The following SLC25A26 variants were observed in gnomAD, a reference collection of about 807,000 sequenced individuals.
SLC25A26 encodes the protein mitochondrial S-adenosylmethionine carrier protein.
SLC25A26 carries 36 observed loss-of-function variants against 37.8 expected under a neutral mutation model. The ratio of observed to expected loss-of-function variants is 0.95; its 90% confidence interval spans 0.73 to 1.26. SLC25A26 has a LOEUF of 1.26. Among genes scored for constraint, SLC25A26 ranks in the 50% most tolerant of loss-of-function variants. The pLI is 0.00. For missense variants in SLC25A26, 390 were observed against 331.1 expected, an observed-to-expected ratio of 1.18 and a Z score of -1.38; for synonymous variants, 129 against 122.5, an observed-to-expected ratio of 1.05 and a Z score of -0.35.
At chr3:66,143,616 GTTCAC>G (rs2070070024) in intron 1 of SLC25A26, among the ~76,000 whole-genome samples, 1 of 152,222 alleles carries the variant, frequency 6.6e-6, no homozygotes, top group Admixed American at 6.5e-5. Context: ...GGGAACAGTG[GTTCAC>G]GCCTGTAATC....
intron 3 of SLC25A26, among the ~76,000 whole-genome samples, chr3:66,249,626 T>A (rs2073001172): frequency 6.6e-6 from 1 of 152,248 alleles, no homozygotes; most frequent in South Asian, 2.1e-4. Context: ...GAAATGTATT[T>A]TATCTTTTGA....
chr3:66,228,521 C>A (rs181722529), intron 1 of SLC25A26, among the ~76,000 whole-genome samples: 13 of 152,284 alleles, frequency 8.5e-5, no homozygotes, highest in African/African-American at 3.1e-4. Context: ...CTCACCTCCC[C>A]AAATCAGGTG....
At chr3:66,164,378 C>T (rs184322923) in intron 1 of SLC25A26, among the ~76,000 whole-genome samples, 87 of 152,244 alleles carry the variant, frequency 5.7e-4, no homozygotes, top group African/African-American at 2.1e-3. Context: ...GCCATAGCTC[C>T]ATTCTCACAA....
At chr3:66,138,237 A>G (rs577921996) in intron 1 of SLC25A26, among the ~76,000 whole-genome samples, 1 of 152,182 alleles carries the variant, frequency 6.6e-6, no homozygotes, top group Admixed American at 6.5e-5. Context: ...ATGGTGATCA[A>G]AGCTGTTCAA....
chr3:66,342,865 T>C (rs1053280115), intron 5 of SLC25A26, among the ~76,000 whole-genome samples: 7 of 152,214 alleles, frequency 4.6e-5, no homozygotes, highest in African/African-American at 1.4e-4. Flanking sequence ...CGCTCACTTA[T>C]TAGTGCCCTG....
rs538168652 is a variant in SLC25A26 at position 66,378,812 on chromosome 3, A to C, written c.*1005A>C. Reference sequence around the variant, plus strand: ...CCAACTATACTGACATTTATAAATGAACCTTTATTAAAGACACTTCAATGC... The same window carrying C: ...CCAACTATACTGACATTTATAAATGCACCTTTATTAAAGACACTTCAATGC... On this transcript the variant is annotated 3_prime_UTR_variant, in exon 10 of 10. Transcript: ENST00000354883. The C allele has an allele frequency of 2.6e-5, 4 of 152,722 alleles. No individual in the cohort carries two copies. The South Asian group carries it at 6.2e-4, about 24-fold the overall frequency. The allele number at this position is 152,722 out of a possible 1,614,324, so 9.5% of individuals were successfully genotyped here.
At chr3:66,251,468 A>T (rs2073081067) in intron 3 of SLC25A26, among the ~76,000 whole-genome samples, 1 of 152,154 alleles carries the variant, frequency 6.6e-6, no homozygotes, top group East Asian at 1.9e-4. Context: ...TTGTGCACCT[A>T]CTTGAATTCT....
chr3:66,290,351 G>A (rs1441953441), intron 5 of SLC25A26, among the ~76,000 whole-genome samples: 1 of 152,168 alleles, frequency 6.6e-6, no homozygotes, highest in African/African-American at 2.4e-5. Context: ...CCAATACTCT[G>A]TTGAATAGGA....
chr3:66,158,929 G>A (rs577305242), intron 1 of SLC25A26, among the ~76,000 whole-genome samples: 14 of 152,230 alleles, frequency 9.2e-5, no homozygotes, highest in African/African-American at 2.9e-4. Flanking sequence ...GTTCAACAGC[G>A]TAGGGGACCT....
chr3:66,310,257 C>T (rs1169042204), intron 5 of SLC25A26, among the ~76,000 whole-genome samples: 1 of 152,098 alleles, frequency 6.6e-6, no homozygotes, highest in Non-Finnish European at 1.5e-5. Flanking sequence ...TATGTAATGC[C>T]TTTCTTTGTC....
At chr3:66,280,122 G>C (rs2074287469) in intron 5 of SLC25A26, among the ~76,000 whole-genome samples, 1 of 152,022 alleles carries the variant, frequency 6.6e-6, no homozygotes, top group East Asian at 1.9e-4. Flanking sequence ...ATATTAGTTT[G>C]AAAAAGTAGT....
intron 1 of SLC25A26, among the ~76,000 whole-genome samples, chr3:66,149,341 A>T (rs2070166240): frequency 6.6e-6 from 1 of 152,202 alleles, no homozygotes; most frequent in Non-Finnish European, 1.5e-5. Flanking sequence ...AAGAACTGAA[A>T]GATGGAAGAA....
At chr3:66,345,509 A>T (rs971961297) in intron 5 of SLC25A26, among the ~76,000 whole-genome samples, 1 of 84,786 alleles carries the variant, frequency 1.2e-5, no homozygotes. Flanking sequence ...CCTACCCTCT[A>T]CCTCCCTGCT....
At chr3:66,254,155 A>G (rs2073209328) in intron 3 of SLC25A26, among the ~76,000 whole-genome samples, 1 of 152,210 alleles carries the variant, frequency 6.6e-6, no homozygotes, top group African/African-American at 2.4e-5. Context: ...TTAAAATCTA[A>G]GGAGTGTAAG....
At chr3:66,376,502 T>A (rs1040568051) in intron 9 of SLC25A26, among the ~76,000 whole-genome samples, 1 of 152,202 alleles carries the variant, frequency 6.6e-6, no homozygotes, top group Non-Finnish European at 1.5e-5. Context: ...GCCAGAAGAT[T>A]ACAATTTACT....
At chr3:66,299,677 A>G (rs993562619) in intron 5 of SLC25A26, among the ~76,000 whole-genome samples, 1 of 152,160 alleles carries the variant, frequency 6.6e-6, no homozygotes, top group Non-Finnish European at 1.5e-5. Context: ...GTGTGTGTTT[A>G]TAGAGTAACA....
At chr3:66,342,246 C>A (rs1267462463) in intron 5 of SLC25A26, among the ~76,000 whole-genome samples, 1 of 152,066 alleles carries the variant, frequency 6.6e-6, no homozygotes, top group Non-Finnish European at 1.5e-5. Flanking sequence ...CACACGGTTT[C>A]TGTGTTTTTT....
At chr3:66,162,612 T>C (rs1465649830) in intron 1 of SLC25A26, among the ~76,000 whole-genome samples, 2 of 152,144 alleles carry the variant, frequency 1.3e-5, no homozygotes, top group Non-Finnish European at 2.9e-5. Flanking sequence ...GAGGTCTTTG[T>C]CATCTGAGTT....
At chr3:66,365,904 C>T (rs563288487) in intron 7 of SLC25A26, among the ~76,000 whole-genome samples, 1 of 152,208 alleles carries the variant, frequency 6.6e-6, no homozygotes, top group Admixed American at 6.5e-5. Context: ...CAAGGTTGCC[C>T]AGGGGTGGGT....
Sources: gnomAD v4.1 joint callset for allele counts (sites outside exome capture counted in the v4.1 genomes callset) on GRCh38, gnomAD v4.1.1 for gene constraint, MANE v1.5 for transcripts, NCBI Gene and HGNC (gene_info 2026-07-23, HGNC 2026-07-21) for gene names.